The following PRKCH variants were observed in gnomAD, a reference collection of about 807,000 sequenced individuals.
PRKCH encodes protein kinase C eta.
Under a neutral mutation model 82.5 loss-of-function variants are expected in PRKCH, and 28 were observed. The observed-to-expected ratio is 0.34, with a 90% CI of 0.25 to 0.47. The LOEUF is 0.47. Among genes scored for constraint, PRKCH ranks in the 20% least tolerant of loss-of-function variants. PRKCH has a pLI of 1.00. For synonymous variants in PRKCH, 322 were observed against 327.4 expected (o/e 0.98, Z 0.18); for missense variants, 705 against 881.8 (o/e 0.80, Z 2.54).
At chr14:61,311,501 T>C (rs1375486400) in intron 1 of PRKCH, among the ~76,000 whole-genome samples, 1 of 152,220 alleles carries the variant, frequency 6.6e-6, no homozygotes, top group Admixed American at 6.5e-5. Context: ...AACTCCAAAC[T>C]ATCCCATATC....
chr14:61,436,877 C>G (rs1310059395), intron 2 of PRKCH, among the ~76,000 whole-genome samples: 1 of 152,250 alleles, frequency 6.6e-6, no homozygotes, highest in Non-Finnish European at 1.5e-5. Context: ...CAGTCTTTGT[C>G]ACAGGTGCTG....
At chr14:61,284,221 G>A (rs1164150732) in intron 1 of PRKCH, among the ~76,000 whole-genome samples, 3 of 152,240 alleles carry the variant, frequency 2.0e-5, no homozygotes, top group Non-Finnish European at 4.4e-5. Flanking sequence ...CTCAGGCTGG[G>A]AGAAAGAAAT....
intron 13 of PRKCH, among the ~76,000 whole-genome samples, chr14:61,548,164 G>T (rs1032600635): frequency 6.6e-6 from 1 of 152,238 alleles, no homozygotes; most frequent in African/African-American, 2.4e-5. Flanking sequence ...GGTATAAGAG[G>T]CCTGAAACTT....
intron 2 of PRKCH, among the ~76,000 whole-genome samples, chr14:61,412,838 T>A (rs1160257431): frequency 6.6e-6 from 1 of 152,186 alleles, no homozygotes; most frequent in Non-Finnish European, 1.5e-5. Context: ...TTTATGTGCC[T>A]GCTGTCCCTC....
At chr14:61,458,883 C>T (rs946999966) in intron 9 of PRKCH, among the ~76,000 whole-genome samples, 2 of 152,098 alleles carry the variant, frequency 1.3e-5, no homozygotes, top group South Asian at 4.1e-4. Context: ...CCCACCAGGC[C>T]CTTCCCCAAC....
At chr14:61,421,292 C>G (rs543601445) in intron 2 of PRKCH, among the ~76,000 whole-genome samples, 1 of 152,048 alleles carries the variant, frequency 6.6e-6, no homozygotes, top group East Asian at 1.9e-4. Flanking sequence ...GATGTGAAAA[C>G]TAAACACTAT....
At chr14:61,456,067 A>G (rs749971695) in intron 7 of PRKCH, among the ~76,000 whole-genome samples, 4 of 152,230 alleles carry the variant, frequency 2.6e-5, no homozygotes, top group Non-Finnish European at 5.9e-5. Flanking sequence ...AAGAAACTGA[A>G]TAATGATAAT....
At chr14:61,547,348 G>A (rs769892705) in intron 12 of PRKCH, among the ~76,000 whole-genome samples, 2 of 152,104 alleles carry the variant, frequency 1.3e-5, no homozygotes, top group African/African-American at 2.4e-5. Context: ...CAGAAAAATG[G>A]CACAGCTGTT....
At chr14:61,511,612 C>T (rs1182203516) in intron 10 of PRKCH, among the ~76,000 whole-genome samples, 6 of 152,242 alleles carry the variant, frequency 3.9e-5, no homozygotes, top group African/African-American at 1.4e-4. Context: ...ACTACAAAGG[C>T]GCACAGCCTC....
At chr14:61,343,783 G>A (rs2140140754) in intron 1 of PRKCH, among the ~76,000 whole-genome samples, 1 of 152,248 alleles carries the variant, frequency 6.6e-6, no homozygotes, top group South Asian at 2.1e-4. Context: ...AATTACATTT[G>A]GCACCAGGAA....
chr14:61,349,025 G>T (rs1309836456), intron 1 of PRKCH, among the ~76,000 whole-genome samples: 1 of 152,248 alleles, frequency 6.6e-6, no homozygotes, highest in African/African-American at 2.4e-5. Context: ...ATCATCCAGA[G>T]AATTTGATAA....
chr14:61,405,418 C>T (rs1881888973), intron 2 of PRKCH, among the ~76,000 whole-genome samples: 2 of 151,670 alleles, frequency 1.3e-5, no homozygotes, highest in African/African-American at 4.9e-5. Flanking sequence ...ACTCTTGTCG[C>T]CCAGGCTGGA....
chr14:61,270,695 T>C (rs992124329), intron 1 of PRKCH, among the ~76,000 whole-genome samples: 1 of 151,928 alleles, frequency 6.6e-6, no homozygotes, highest in Admixed American at 6.5e-5. Flanking sequence ...AAAGGTATCA[T>C]GATGCAATGG....
At position 61,311,675 on chromosome 14, in the gene PRKCH, G is replaced by A. The variant is rs561947357; in HGVS notation, c.-19+124007G>A. 2.5e-3 allele frequency among the ~76,000 whole-genome samples: 380 copies of A among 152,342 alleles called. 1 individual carries two copies. The highest frequency in any genetic ancestry group is 3.6e-3 in the Non-Finnish European group (246 of 68,036). Reference sequence around the variant, plus strand: ...CTGCTACAAAGAACTGCCTGACACTGGGTAATTTATAAAGAAAAGAGGTTT... The same window carrying A: ...CTGCTACAAAGAACTGCCTGACACTAGGTAATTTATAAAGAAAAGAGGTTT... On this transcript the variant is annotated intron_variant, in intron 1 of 3. Transcript: ENST00000555185.
chr14:61,268,599 C>T (rs973048342), intron 1 of PRKCH, among the ~76,000 whole-genome samples: 3 of 152,004 alleles, frequency 2.0e-5, no homozygotes, highest in African/African-American at 4.8e-5. Context: ...ACCCGGGAGG[C>T]GGAGGTTACA....
At position 61,497,249 on chromosome 14, in the gene PRKCH, G is replaced by A. The variant is rs1319252287; in HGVS notation, c.1433+11593G>A. ...TGGTTCTGCCACTTCTCTGTTGTGG[G>A]ATCTTGATCAGGTTACTTTACCTCT... On this transcript the variant is annotated intron_variant, in intron 10 of 13. Coordinates refer to ENST00000332981, the MANE Select transcript of PRKCH (RefSeq NM_006255.5). Among the ~76,000 whole-genome samples the A allele has an allele frequency of 3.3e-5, 5 of 152,112 alleles. No individual in the cohort carries two copies. The East Asian group carries it at 9.6e-4, about 29-fold the overall frequency.
intron 1 of PRKCH, among the ~76,000 whole-genome samples, chr14:61,330,867 A>G (rs1481095766): frequency 1.3e-5 from 2 of 152,162 alleles, no homozygotes; most frequent in Non-Finnish European, 2.9e-5. Context: ...GGGGTGTCCA[A>G]TCTTTTGGCT....
intron 1 of PRKCH, chr14:61,279,894 T>A: frequency 1.7e-6 from 1 of 590,238 alleles, no homozygotes; most frequent in Non-Finnish European, 3.0e-6. Context: ...CACTCTGCAG[T>A]CAACATCCCT....
At chr14:61,232,614 T>C (rs8005397) in intron 1 of PRKCH, among the ~76,000 whole-genome samples, 135,647 of 152,280 alleles carry the variant, frequency 0.89, 61,622 homozygotes, top group Non-Finnish European at 0.98. Flanking sequence ...TCTGTCCCCT[T>C]AGAGTTGGGG....
Sources: gnomAD v4.1 joint callset for allele counts (sites outside exome capture counted in the v4.1 genomes callset) on GRCh38, gnomAD v4.1.1 for gene constraint, MANE v1.5 for transcripts, NCBI Gene and HGNC (gene_info 2026-07-23, HGNC 2026-07-21) for gene names.